The following PCED1B variants were observed in gnomAD, a reference collection of about 807,000 sequenced individuals.
The protein encoded by PCED1B is PC-esterase domain containing 1B.
For missense variants in PCED1B, 573 were observed against 573.9 expected (o/e 1.00, Z 0.02); for synonymous variants, 251 against 246.1 (o/e 1.02, Z -0.19).
chr12:47,154,016 A>ATGTCACAT (rs2137466854), intron 2 of PCED1B, among the ~76,000 whole-genome samples: 1 of 152,310 alleles, frequency 6.6e-6, no homozygotes, highest in South Asian at 2.1e-4. Context: ...ATATTCCACT[A>ATGTCACAT]TGTCACATGC....
chr12:47,213,837 C>A (rs1451378277), intron 2 of PCED1B, among the ~76,000 whole-genome samples: 1 of 152,070 alleles, frequency 6.6e-6, no homozygotes, highest in Non-Finnish European at 1.5e-5. Flanking sequence ...TTCTTGAAAG[C>A]AAGAAAATCA....
intron 2 of PCED1B, among the ~76,000 whole-genome samples, chr12:47,174,195 G>T (rs1941846354): frequency 6.6e-6 from 1 of 151,872 alleles, no homozygotes; most frequent in South Asian, 2.1e-4. Flanking sequence ...GATCACTTGA[G>T]GCCAAGAATT....
chr12:47,080,141 C>G (rs1941954901), intron 1 of PCED1B, among the ~76,000 whole-genome samples: 1 of 151,868 alleles, frequency 6.6e-6, no homozygotes, highest in Non-Finnish European at 1.5e-5. Context: ...GGGGAGGGGG[C>G]AGGGGTCCAC....
chr12:47,221,461 G>A (rs542116465), intron 3 of PCED1B, among the ~76,000 whole-genome samples: 1 of 151,402 alleles, frequency 6.6e-6, no homozygotes, highest in South Asian at 2.1e-4. Flanking sequence ...TACAGGTGGT[G>A]AGCCACCACG....
chr12:47,213,100 A>G (rs1432228093), intron 2 of PCED1B, among the ~76,000 whole-genome samples: 1 of 152,242 alleles, frequency 6.6e-6, no homozygotes, highest in Non-Finnish European at 1.5e-5. Flanking sequence ...CTCAATCTGT[A>G]ACATCCCAAA....
chr12:47,190,124 G>GTTA (rs1405148043), intron 2 of PCED1B, among the ~76,000 whole-genome samples: 2 of 152,192 alleles, frequency 1.3e-5, no homozygotes, highest in Non-Finnish European at 2.9e-5. Context: ...ATAGTGTTTT[G>GTTA]TTATTTAGGA....
At chr12:47,128,842 G>A (rs1463456577) in intron 2 of PCED1B, among the ~76,000 whole-genome samples, 3 of 152,164 alleles carry the variant, frequency 2.0e-5, no homozygotes, top group African/African-American at 7.2e-5. Flanking sequence ...CATGCAATGG[G>A]GTTAGTGAGG....
At chr12:47,204,201 G>A (rs1419329945) in intron 2 of PCED1B, among the ~76,000 whole-genome samples, 9 of 152,048 alleles carry the variant, frequency 5.9e-5, no homozygotes, top group Admixed American at 2.0e-4. Flanking sequence ...TGCCCGCTTC[G>A]GCATCCCAAA....
intron 1 of PCED1B, among the ~76,000 whole-genome samples, chr12:47,103,292 A>G (rs553427103): frequency 6.6e-6 from 1 of 152,286 alleles, no homozygotes; most frequent in South Asian, 2.1e-4. Context: ...CCTTTTAAAA[A>G]TGTCTTATCT....
chr12:47,112,543 C>T (rs922959203), intron 2 of PCED1B, among the ~76,000 whole-genome samples: 10 of 152,124 alleles, frequency 6.6e-5, no homozygotes, highest in African/African-American at 9.7e-5. Flanking sequence ...TTTAACAAAA[C>T]GGTGATTTTA....
At chr12:47,230,066 A>C (rs1381459460) in intron 3 of PCED1B, among the ~76,000 whole-genome samples, 1 of 136,520 alleles carries the variant, frequency 7.3e-6, no homozygotes, top group Non-Finnish European at 1.5e-5. Flanking sequence ...GAGCCACTGC[A>C]CTCAGCAAGT....
intron 2 of PCED1B, among the ~76,000 whole-genome samples, chr12:47,194,410 TG>T (rs1942539445): frequency 6.6e-6 from 1 of 152,188 alleles, no homozygotes; most frequent in East Asian, 1.9e-4. Flanking sequence ...CCTGACCTCG[TG>T]ATCCACCTGC....
intron 1 of PCED1B, among the ~76,000 whole-genome samples, chr12:47,100,119 A>C (rs1938639216): frequency 1.3e-5 from 2 of 152,260 alleles, no homozygotes; most frequent in African/African-American, 4.8e-5. Context: ...TTTTAGAAGA[A>C]TGTATTTTCA....
chr12:47,113,430 C>T (rs529481372), intron 2 of PCED1B, among the ~76,000 whole-genome samples: 5 of 152,254 alleles, frequency 3.3e-5, no homozygotes, highest in African/African-American at 1.2e-4. Context: ...CCAAATTTGG[C>T]AACAAAGAGA....
intron 2 of PCED1B, among the ~76,000 whole-genome samples, chr12:47,139,998 T>C (rs1466694853): frequency 6.6e-6 from 1 of 152,114 alleles, no homozygotes; most frequent in Non-Finnish European, 1.5e-5. Context: ...ACTACTCATG[T>C]TACAACAAAA....
chr12:47,227,129 G>C (rs186669948), intron 3 of PCED1B, among the ~76,000 whole-genome samples: 55 of 151,796 alleles, frequency 3.6e-4, no homozygotes, highest in Non-Finnish European at 3.8e-4. Context: ...TTCCATTTCA[G>C]GTTTTTCTGT....
At chr12:47,151,359 G>A (rs1436747320) in intron 2 of PCED1B, among the ~76,000 whole-genome samples, 1 of 152,142 alleles carries the variant, frequency 6.6e-6, no homozygotes, top group Non-Finnish European at 1.5e-5. Flanking sequence ...GTACAGGTTT[G>A]CAGCCTAGGA....
chr12:47,101,192 C>T (rs11183733), intron 1 of PCED1B, among the ~76,000 whole-genome samples: 424 of 152,184 alleles, frequency 2.8e-3, no homozygotes, highest in Non-Finnish European at 4.4e-3. Context: ...ACTTGTTAGG[C>T]ACATCTTTTA....
chr12:47,080,651 A>G (rs897224441), intron 1 of PCED1B, among the ~76,000 whole-genome samples: 30 of 152,318 alleles, frequency 2.0e-4, no homozygotes, highest in Admixed American at 9.8e-4. Context: ...ATGGTGTCCA[A>G]TTCAAGAAGG....
Sources: gnomAD v4.1 joint callset for allele counts (sites outside exome capture counted in the v4.1 genomes callset) on GRCh38, gnomAD v4.1.1 for gene constraint, MANE v1.5 for transcripts, NCBI Gene and HGNC (gene_info 2026-07-23, HGNC 2026-07-21) for gene names.